SLC9A9: variants seen among roughly 807,000 people sequenced by gnomAD.
SLC9A9 encodes the protein solute carrier family 9 member A9.
SLC9A9 carries 62 observed loss-of-function variants against 77.8 expected under a neutral mutation model. That is an observed-to-expected ratio of 0.80 (90% CI 0.65 to 0.98). SLC9A9 has a LOEUF of 0.98. Among genes scored for constraint, SLC9A9 ranks in the 50% least tolerant of loss-of-function variants. SLC9A9 has a pLI of 0.00. For missense variants in SLC9A9, 775 were observed against 774.9 expected (o/e 1.00, Z 0.00); for synonymous variants, 320 against 283.5 (o/e 1.13, Z -1.29).
chr3:143,659,996 A>C (rs1205056125), intron 5 of SLC9A9, among the ~76,000 whole-genome samples: 1 of 152,216 alleles, frequency 6.6e-6, no homozygotes, highest in Non-Finnish European at 1.5e-5. Context: ...CCACCGTGTA[A>C]GACGTAACTT....
chr3:143,747,144 G>A (rs1341683157), intron 4 of SLC9A9, among the ~76,000 whole-genome samples: 2 of 152,098 alleles, frequency 1.3e-5, no homozygotes, highest in Non-Finnish European at 2.9e-5. Context: ...GGTGGCTCAC[G>A]CCTGCAATCC....
At chr3:143,705,483 T>A (rs1259457438) in intron 4 of SLC9A9, among the ~76,000 whole-genome samples, 2 of 152,164 alleles carry the variant, frequency 1.3e-5, no homozygotes, top group African/African-American at 4.8e-5. Context: ...AAAGAATAAA[T>A]GTTTGAGGTG....
At chr3:143,781,822 T>G (rs943202367) in intron 4 of SLC9A9, among the ~76,000 whole-genome samples, 2 of 152,226 alleles carry the variant, frequency 1.3e-5, no homozygotes, top group African/African-American at 4.8e-5. Flanking sequence ...TTTGGAAACT[T>G]TCTTTACAGC....
At chr3:143,592,891 T>A (rs1199503447) in intron 6 of SLC9A9, among the ~76,000 whole-genome samples, 1 of 152,200 alleles carries the variant, frequency 6.6e-6, no homozygotes. Context: ...ATCCACTGTC[T>A]GCATATACAT....
At chr3:143,393,249 T>A (rs2033615910) in intron 12 of SLC9A9, among the ~76,000 whole-genome samples, 1 of 152,212 alleles carries the variant, frequency 6.6e-6, no homozygotes, top group Non-Finnish European at 1.5e-5. Flanking sequence ...AAACTGTCTA[T>A]CAGTTTGACC....
intron 12 of SLC9A9, among the ~76,000 whole-genome samples, chr3:143,383,436 A>G (rs755871788): frequency 1.0e-4 from 14 of 136,150 alleles, no homozygotes; most frequent in Middle Eastern, 7.1e-3. Flanking sequence ...AAATGCCCAC[A>G]GCTATTCCAA....
At chr3:143,814,786 G>GA (rs34798256) in intron 2 of SLC9A9, among the ~76,000 whole-genome samples, 1 of 152,070 alleles carries the variant, frequency 6.6e-6, no homozygotes, top group Non-Finnish European at 1.5e-5. Flanking sequence ...GTCAGCTGCT[G>GA]AAAAAAGGAG....
At chr3:143,423,974 C>T (rs1011525796) in intron 12 of SLC9A9, among the ~76,000 whole-genome samples, 4 of 152,148 alleles carry the variant, frequency 2.6e-5, no homozygotes, top group African/African-American at 9.7e-5. Context: ...AAGTATCTGA[C>T]CTGTAATCCT....
chr3:143,615,258 C>T (rs1474605192), intron 6 of SLC9A9, among the ~76,000 whole-genome samples: 1 of 152,224 alleles, frequency 6.6e-6, no homozygotes, highest in African/African-American at 2.4e-5. Flanking sequence ...TTATTATTGG[C>T]TCAATGCAAG....
intron 8 of SLC9A9, among the ~76,000 whole-genome samples, chr3:143,573,540 C>T (rs2037304822): frequency 6.6e-6 from 1 of 152,138 alleles, no homozygotes; most frequent in Non-Finnish European, 1.5e-5. Flanking sequence ...AACTGTTCCA[C>T]CTTAGAGGAC....
Position 143,578,577 on chromosome 3 carries a change from A to G in SLC9A9, c.894+8T>C. ...AGTCCCAGCTTTCCACATACAGACA[A>G]AGGATATCAGTGCTGTGATGATGGC... is the stretch of plus-strand genomic sequence containing the variant. On this transcript the variant is annotated splice_region_variant and intron_variant, in intron 7 of 15. Coordinates refer to ENST00000316549, the MANE Select transcript of SLC9A9 (RefSeq NM_173653.4). 1.2e-6 allele frequency: 2 copies of G among 1,613,790 alleles called. No homozygotes were observed. Among genetic ancestry groups the G allele is most frequent in the Non-Finnish European group, 1.7e-6 (2 of 1,179,766 alleles).
At chr3:143,748,734 T>C (rs1488441104) in intron 4 of SLC9A9, among the ~76,000 whole-genome samples, 1 of 145,482 alleles carries the variant, frequency 6.9e-6, no homozygotes, top group African/African-American at 2.6e-5. Context: ...TCTCGCTCTG[T>C]CGCCCAGGCC....
intron 2 of SLC9A9, among the ~76,000 whole-genome samples, chr3:143,831,660 C>T (rs764005373): frequency 4.6e-5 from 7 of 152,216 alleles, no homozygotes; most frequent in Non-Finnish European, 7.3e-5. Context: ...GCACTTTCAG[C>T]TGGCATTATA....
intron 12 of SLC9A9, among the ~76,000 whole-genome samples, chr3:143,456,827 T>A (rs561540928): frequency 6.6e-6 from 1 of 152,244 alleles, no homozygotes; most frequent in East Asian, 1.9e-4. Flanking sequence ...CCTCCCAGAG[T>A]GCTGGGATTA....
chr3:143,710,837 T>C (rs1934123977), intron 4 of SLC9A9, among the ~76,000 whole-genome samples: 1 of 152,250 alleles, frequency 6.6e-6, no homozygotes, highest in South Asian at 2.1e-4. Context: ...GGTATATTTA[T>C]GTTCTTCAGC....
intron 14 of SLC9A9, among the ~76,000 whole-genome samples, chr3:143,359,642 G>A (rs114195489): frequency 0.015 from 2,324 of 152,214 alleles, 22 homozygotes; most frequent in African/African-American, 0.017. Flanking sequence ...ACCAGACTGT[G>A]ACTTGAGCCT....
At chr3:143,764,456 C>T (rs78760524) in intron 4 of SLC9A9, among the ~76,000 whole-genome samples, 117 of 152,338 alleles carry the variant, frequency 7.7e-4, no homozygotes, top group African/African-American at 2.7e-3. Context: ...CTCAGAGTAA[C>T]TTTTGGAAAA....
intron 14 of SLC9A9, among the ~76,000 whole-genome samples, chr3:143,359,934 T>C (rs2032698579): frequency 6.6e-6 from 1 of 152,206 alleles, no homozygotes; most frequent in Non-Finnish European, 1.5e-5. Context: ...ACCGATATAG[T>C]ACCAATAAAT....
At chr3:143,546,040 T>C (rs2036783418) in intron 9 of SLC9A9, among the ~76,000 whole-genome samples, 1 of 152,224 alleles carries the variant, frequency 6.6e-6, no homozygotes, top group South Asian at 2.1e-4. Context: ...GTAAAGCTCA[T>C]GTGTGTTAAA....
Sources: gnomAD v4.1 joint callset for allele counts (sites outside exome capture counted in the v4.1 genomes callset) on GRCh38, gnomAD v4.1.1 for gene constraint, MANE v1.5 for transcripts, NCBI Gene and HGNC (gene_info 2026-07-23, HGNC 2026-07-21) for gene names.